Variants in RABGAP1L observed in about 807,000 individuals in gnomAD.
The protein encoded by RABGAP1L is rab GTPase-activating protein 1-like.
Under a neutral mutation model 137.7 loss-of-function variants are expected in RABGAP1L, and 63 were observed. The observed-to-expected ratio is 0.46, with a 90% CI of 0.37 to 0.56. The LOEUF (loss-of-function observed/expected upper bound fraction) is 0.56, where lower values mean the gene tolerates loss of function less well. RABGAP1L is among the 20% of genes least tolerant of loss of function. The pLI, the probability that RABGAP1L is intolerant of heterozygous loss-of-function variation, is 0.00. For missense variants in RABGAP1L, 1,095 were observed against 1,244.0 expected (o/e 0.88, Z 1.80); for synonymous variants, 431 against 433.7 (o/e 0.99, Z 0.08).
intron 13 of RABGAP1L, chr1:174,547,870 A>G (rs1305490616): frequency 6.5e-7 from 1 of 1,542,748 alleles, no homozygotes; most frequent in East Asian, 2.4e-5. Flanking sequence ...ACCGAGACAG[A>G]CTATTCACCT....
intron 17 of RABGAP1L, among the ~76,000 whole-genome samples, chr1:174,747,672 A>G (rs1683992464): frequency 6.6e-6 from 1 of 152,024 alleles, no homozygotes; most frequent in African/African-American, 2.4e-5. Flanking sequence ...AGCTTCCCAA[A>G]CTTCAAAACA....
At chr1:174,214,068 G>A (rs1669101936) in intron 1 of RABGAP1L, among the ~76,000 whole-genome samples, 1 of 152,162 alleles carries the variant, frequency 6.6e-6, no homozygotes, top group Non-Finnish European at 1.5e-5. Flanking sequence ...GTTTGCAGAT[G>A]ATATGGTCTT....
chr1:174,658,714 C>T (rs1676151892), intron 14 of RABGAP1L, among the ~76,000 whole-genome samples: 1 of 152,146 alleles, frequency 6.6e-6, no homozygotes, highest in Non-Finnish European at 1.5e-5. Flanking sequence ...TGACACTCCA[C>T]ACCAGGCCAC....
intron 14 of RABGAP1L, among the ~76,000 whole-genome samples, chr1:174,676,837 CT>C: frequency 6.6e-6 from 1 of 151,730 alleles, no homozygotes; most frequent in East Asian, 1.9e-4. Flanking sequence ...AGAATTTTTC[CT>C]TCCTTCCTTC....
intron 13 of RABGAP1L, among the ~76,000 whole-genome samples, chr1:174,484,263 C>T (rs1659416822): frequency 1.3e-5 from 2 of 152,082 alleles, no homozygotes; most frequent in East Asian, 3.9e-4. Context: ...GATTTTTCTT[C>T]TATAGAGTTG....
intron 13 of RABGAP1L, among the ~76,000 whole-genome samples, chr1:174,481,897 A>T (rs528552391): frequency 2.7e-5 from 4 of 150,430 alleles, no homozygotes; most frequent in African/African-American, 9.9e-5. Context: ...AAAAAAGAAA[A>T]AAAAAGAAAA....
chr1:174,418,930 C>T (rs1433663428), intron 13 of RABGAP1L, among the ~76,000 whole-genome samples: 3 of 151,872 alleles, frequency 2.0e-5, no homozygotes, highest in Non-Finnish European at 1.5e-5. Context: ...CCCAGCTGCT[C>T]AGGAGGCTGA....
At chr1:174,193,742 TG>T (rs1667373054) in intron 1 of RABGAP1L, among the ~76,000 whole-genome samples, 1 of 152,180 alleles carries the variant, frequency 6.6e-6, no homozygotes, top group Non-Finnish European at 1.5e-5. Flanking sequence ...TCATGTGTTT[TG>T]GGGAAGGGAG....
At chr1:174,326,175 A>G (rs980384520) in intron 11 of RABGAP1L, among the ~76,000 whole-genome samples, 28 of 152,220 alleles carry the variant, frequency 1.8e-4, no homozygotes, top group African/African-American at 6.5e-4. Context: ...TAATAGGAAT[A>G]TACTAGGAAA....
intron 14 of RABGAP1L, among the ~76,000 whole-genome samples, chr1:174,679,082 T>C (rs1432597594): frequency 6.6e-6 from 1 of 152,232 alleles, no homozygotes; most frequent in Non-Finnish European, 1.5e-5. Context: ...CATTGCCTGC[T>C]CAAATGCCTG....
chr1:174,827,101 C>G (rs1691642157), intron 19 of RABGAP1L, among the ~76,000 whole-genome samples: 1 of 152,120 alleles, frequency 6.6e-6, no homozygotes, highest in Non-Finnish European at 1.5e-5. Context: ...GATTATTCCT[C>G]TGTCTATATT....
intron 13 of RABGAP1L, among the ~76,000 whole-genome samples, chr1:174,488,911 C>A: frequency 9.8e-6 from 1 of 102,070 alleles, no homozygotes; most frequent in Non-Finnish European, 1.9e-5. Flanking sequence ...GCTATCCCTC[C>A]CCCCTCCCCC....
intron 3 of RABGAP1L, among the ~76,000 whole-genome samples, chr1:174,224,067 T>C (rs1350708598): frequency 2.0e-5 from 3 of 152,194 alleles, no homozygotes; most frequent in Non-Finnish European, 4.4e-5. Context: ...GAATCAGATA[T>C]TTAAAGTGAG....
At chr1:174,271,868 G>C (rs751743494) in intron 7 of RABGAP1L, among the ~76,000 whole-genome samples, 1 of 151,766 alleles carries the variant, frequency 6.6e-6, no homozygotes, top group Admixed American at 6.6e-5. Context: ...TAGTAATAAA[G>C]TTTGCATAAC....
intron 18 of RABGAP1L, among the ~76,000 whole-genome samples, chr1:174,798,476 A>G (rs935985628): frequency 1.3e-5 from 2 of 152,156 alleles, no homozygotes; most frequent in African/African-American, 4.8e-5. Flanking sequence ...TTTCATTTAA[A>G]ATAACTTGTT....
At chr1:174,636,042 G>T (rs1397822161) in intron 13 of RABGAP1L, among the ~76,000 whole-genome samples, 7 of 152,182 alleles carry the variant, frequency 4.6e-5, no homozygotes, top group East Asian at 1.9e-4. Flanking sequence ...GATGTGAATT[G>T]TACAAAATAT....
chr1:174,704,487 T>G (rs977704498), intron 17 of RABGAP1L, among the ~76,000 whole-genome samples: 2 of 152,230 alleles, frequency 1.3e-5, no homozygotes, highest in African/African-American at 4.8e-5. Flanking sequence ...GCCTAATACC[T>G]GAAGGTCACA....
intron 17 of RABGAP1L, among the ~76,000 whole-genome samples, chr1:174,713,604 G>T (rs1680763014): frequency 6.6e-6 from 1 of 152,060 alleles, no homozygotes; most frequent in South Asian, 2.1e-4. Flanking sequence ...GTGCTGGCTC[G>T]CCCTTGTCCT....
chr1:174,474,652 G>C (rs552809620), intron 13 of RABGAP1L, among the ~76,000 whole-genome samples: 1 of 152,122 alleles, frequency 6.6e-6, no homozygotes, highest in East Asian at 1.9e-4. Flanking sequence ...CGCCAGGCTG[G>C]AGTGCAGTGG....
Sources: gnomAD v4.1 joint callset for allele counts (sites outside exome capture counted in the v4.1 genomes callset) on GRCh38, gnomAD v4.1.1 for gene constraint, MANE v1.5 for transcripts, NCBI Gene and HGNC (gene_info 2026-07-23, HGNC 2026-07-21) for gene names.